The following TEP1 variants were observed in gnomAD, a reference collection of about 807,000 sequenced individuals.
TEP1 encodes the protein telomerase protein component 1.
Under a neutral mutation model 306.3 loss-of-function variants are expected in TEP1, and 241 were observed. That is an observed-to-expected ratio of 0.79 (90% CI 0.71 to 0.88). TEP1 has a LOEUF of 0.88. Ranked by LOEUF, TEP1 falls within the 40% of genes least tolerant of loss-of-function variation. The pLI, the probability that TEP1 is intolerant of heterozygous loss-of-function variation, is 0.00. For missense variants in TEP1, 3,051 were observed against 3,276.1 expected, an observed-to-expected ratio of 0.93 and a Z score of 1.68; for synonymous variants, 1,289 against 1,305.5, an observed-to-expected ratio of 0.99 and a Z score of 0.27.
In TEP1 at chr14:20,384,701, A is replaced by T. The variant is rs1161386575; in HGVS notation, c.3120T>A (p.Asp1040Glu). Residue 1040 changes from aspartate (D) to glutamate (E), a missense_variant, in exon 22 of 55, where the codon GAT becomes GAA. This residue lies in a region of TEP1 where 1,507 missense variants were observed against 1,550.5 expected (regional missense o/e 0.97). Coordinates refer to ENST00000262715, the MANE Select transcript of TEP1 (RefSeq NM_007110.5). Reference sequence around the variant, plus strand: ...CAGAAACAAAGTCAGATTTCCAGGCATCTGGCACAGAGCTGACCACCAAAG... The same window carrying T: ...CAGAAACAAAGTCAGATTTCCAGGCTTCTGGCACAGAGCTGACCACCAAAG... ...RDSSFLSSVP[D>E]AWKSDFVSES... 5.0e-6 allele frequency: 8 copies of T among 1,611,344 alleles called. No individual in the cohort carries two copies. The highest frequency in any genetic ancestry group is 6.8e-6 in the Non-Finnish European group (8 of 1,179,998).
intron 44 of TEP1, 147 bp from the exon 45 acceptor site, chr14:20,373,957 C>T: frequency 9.3e-7 from 1 of 1,078,334 alleles, no homozygotes; most frequent in South Asian, 1.6e-5. Context: ...TTGGGTGGCT[C>T]AGGACAGTGG....
intron 5 of TEP1, among the ~76,000 whole-genome samples, chr14:20,404,109 C>T (rs948357855): frequency 2.0e-5 from 3 of 152,120 alleles, no homozygotes; most frequent in Admixed American, 1.3e-4. Flanking sequence ...AATCCCAGCA[C>T]TTAGGGAGGC....
intron 1 of TEP1, among the ~76,000 whole-genome samples, chr14:20,408,894 G>A (rs1387213919): frequency 6.6e-6 from 1 of 151,616 alleles, no homozygotes; most frequent in Non-Finnish European, 1.5e-5. Flanking sequence ...TCATAAGAAG[G>A]TAAAGGAGAC....
chr14:20,392,185 G>A (rs1036246921), intron 12 of TEP1, among the ~76,000 whole-genome samples: 5 of 152,124 alleles, frequency 3.3e-5, no homozygotes, highest in South Asian at 2.1e-4. Context: ...ATCTATTTCC[G>A]GGTAACTAAA....
chr14:20,398,697 A>G (rs1004954883), intron 9 of TEP1, among the ~76,000 whole-genome samples: 2 of 151,962 alleles, frequency 1.3e-5, no homozygotes, highest in Non-Finnish European at 2.9e-5. Context: ...AGGAGGTGTG[A>G]TTTTCTTTTC....
chr14:20,387,886 C>T lies in TEP1; in HGVS notation c.2684+19G>A, dbSNP rs1288525649. The T allele has an allele frequency of 1.3e-6, 2 of 1,580,740 alleles. No individual in the cohort carries two copies. The highest frequency in any genetic ancestry group is 2.3e-5 in the East Asian group (1 of 43,822). On this transcript the variant is annotated intron_variant, in intron 18 of 54. Transcript: ENST00000262715. ...TGCAGCCCCTCCCAATTCACAAAGG[C>T]ATAGAAACACAGACTGACCCTTGCT...
chr14:20,390,673 A>C lies in TEP1; in HGVS notation c.2334+8T>G. The C allele has an allele frequency of 1.9e-6, 3 of 1,613,808 alleles. No homozygotes were observed. The highest frequency in any genetic ancestry group is 2.5e-6 in the Non-Finnish European group (3 of 1,179,698). On this transcript the variant is annotated splice_region_variant and intron_variant, in intron 15 of 54. Transcript: ENST00000262715. ...GAGGGAGAGGGTTTCTCAGGGATTA[A>C]TACTCACAGGAACCCTTTGGCCAGC...
In TEP1 at chr14:20,394,474, C is replaced by CTTTTT. The variant is rs747749338; in HGVS notation, c.1928+971_1928+975dup. 8.7e-3 allele frequency among the ~76,000 whole-genome samples: 872 copies of CTTTTT among 100,400 alleles called. 11 individuals are homozygous for CTTTTT. The highest frequency in any genetic ancestry group is 0.012 in the Non-Finnish European group (647 of 52,584). The allele number at this position is 100,400 out of a possible 152,430, so 65.9% of individuals were successfully genotyped here. On this transcript the variant is annotated intron_variant, in intron 12 of 54. Coordinates refer to ENST00000262715, the MANE Select transcript of TEP1 (RefSeq NM_007110.5). ...ATACCATTTGGACTGGCCCCTTGGG[C>CTTTTT]TTTTTTTTTTTTTTTTTTTTTTGAG...
intron 43 of TEP1, among the ~76,000 whole-genome samples, chr14:20,374,856 G>A (rs960474036): frequency 1.3e-5 from 2 of 152,076 alleles, no homozygotes; most frequent in Non-Finnish European, 1.5e-5. Flanking sequence ...TTGGGAGGCC[G>A]AGGCAGGTGG....
Position 20,369,427 on chromosome 14 carries a change from T to C in TEP1, c.7573A>G (p.Arg2525Gly). The C allele has an allele frequency of 6.2e-7, 1 of 1,614,208 alleles. No individual in the cohort carries two copies. Among genetic ancestry groups the C allele is most frequent in the South Asian group, 1.1e-5 (1 of 91,088 alleles). The part of the protein sequence containing the change: ...QTPGTDPSTC[R>G]ESDASMDSDA... ...CTATCCATGCTGGCATCAGATTCCC[T>C]GCAGGTAGATGGGTCTGTCCCTGGA... Residue 2525 changes from arginine to glycine, a missense_variant, in exon 53 of 55, where the codon AGG becomes GGG. Coordinates refer to ENST00000262715, the MANE Select transcript of TEP1 (RefSeq NM_007110.5).
chr14:20,397,750 T>C (rs1878320810), intron 9 of TEP1, among the ~76,000 whole-genome samples: 1 of 152,058 alleles, frequency 6.6e-6, no homozygotes. Context: ...CTTCAAGCCA[T>C]AGTTTCTTTT....
chr14:20,390,570 G>T, intron 15 of TEP1, 111 bp downstream of exon 15: 1 of 1,010,108 alleles, frequency 9.9e-7, no homozygotes, highest in Non-Finnish European at 1.5e-6. Flanking sequence ...GAGCTGATCT[G>T]ACTATTGTAT....
rs1426035000 is a variant in TEP1, at chr14:20,381,154, C to T, written c.4648-109G>A. On this transcript the variant is annotated intron_variant, in intron 32 of 54. Transcript: ENST00000262715. The surrounding 1 kb of genome is among the most constrained non-coding windows in gnomAD (Gnocchi z 4.0). ...ATAGGATCTGAGCTGGGACAAAGGACTTGAAGAAGAAGGGCAGGAAAACTG... is the reference window on the plus strand; with the variant it reads ...ATAGGATCTGAGCTGGGACAAAGGATTTGAAGAAGAAGGGCAGGAAAACTG... 17 of 1,230,144 alleles carry T rather than the reference C, an allele frequency of 1.4e-5. No individual in the cohort carries two copies. The South Asian group carries it at 1.8e-4, about 13-fold the overall frequency. The allele number at this position is 1,230,144 out of a possible 1,614,324, so 76.2% of individuals were successfully genotyped here.
At chr14:20,404,530 T>C in intron 5 of TEP1, 81 bp downstream of exon 5, 2 of 1,511,640 alleles carry the variant, frequency 1.3e-6, no homozygotes, top group Non-Finnish European at 1.8e-6. Flanking sequence ...CCAAATTGCC[T>C]GAGAATTTTC....
chr14:20,404,940 A>G (rs1879055885), intron 4 of TEP1, among the ~76,000 whole-genome samples, 168 bp from the exon 5 acceptor site: 2 of 152,302 alleles, frequency 1.3e-5, no homozygotes, highest in African/African-American at 4.8e-5. Flanking sequence ...TAAGTCCTCC[A>G]TACTCTATCC....
rs919519551 is a variant in TEP1 at position 20,380,916 on chromosome 14, A to G, written c.4762+15T>C. On this transcript the variant is annotated intron_variant, in intron 33 of 54. Coordinates refer to ENST00000262715, the MANE Select transcript of TEP1 (RefSeq NM_007110.5). ...CCATATCTCAGAGAAGAACCCAGCC[A>G]GTGACTCATCTCACCATAGAGGGCA... 6.2e-7 allele frequency: 1 copy of G among 1,605,534 alleles called. No individual in the cohort carries two copies. The highest frequency in any genetic ancestry group is 8.5e-7 in the Non-Finnish European group (1 of 1,172,400).
Position 20,373,126 on chromosome 14 carries a change from C to A in TEP1, c.6836G>T (p.Ser2279Ile), listed in dbSNP as rs375591503. ...AGCCACAGCAGTGACGGCTGCAGAA[C>A]TCCTTGGTATACATGTGTCATCTGG... ...KEADDTCIPRSSAAVTAVAWA... is the reference protein window; with the variant it reads ...KEADDTCIPRISAAVTAVAWA... The change falls in exon 48 of 55, where the codon AGT becomes ATT. Residue 2279 changes from serine to isoleucine, a missense_variant. Ser to Ile is a moderately radical substitution (Grantham distance 142). Transcript: ENST00000262715. The A allele has an allele frequency of 4.9e-5, 79 of 1,614,104 alleles. No individual in the cohort carries two copies. The highest frequency in any genetic ancestry group is 6.5e-5 in the Non-Finnish European group (77 of 1,180,056).
At chr14:20,372,647 A>G (rs770829386) in intron 49 of TEP1, 86 bp downstream of exon 49, 1 of 1,588,528 alleles carries the variant, frequency 6.3e-7, no homozygotes, top group Non-Finnish European at 8.6e-7. Context: ...GACCTAGTTC[A>G]GAAGCAGAAG....
chr14:20,383,745 G>A lies in TEP1; in HGVS notation c.3708C>T (p.Tyr1236=), dbSNP rs1876824230. Residue 1236 remains tyrosine (Y), a splice_region_variant and synonymous_variant, in exon 25 of 55, where the codon TAC becomes TAT. Coordinates refer to ENST00000262715, the MANE Select transcript of TEP1 (RefSeq NM_007110.5). ...LKEPGALPST[Y]RSLVWELQQR... ...TGGGCTCATTGGGGGATACCCACCG[G>A]TAGGTGCTGGGGAGGGCACCTGGCT... The A allele has an allele frequency of 1.2e-6, 2 of 1,611,164 alleles. No homozygotes were observed. The highest frequency in any genetic ancestry group is 3.4e-5 in the Admixed American group (2 of 59,502).
Sources: allele counts gnomAD v4.1 joint callset (sites outside exome capture counted in the v4.1 genomes callset), GRCh38; gene constraint gnomAD v4.1.1; regional missense constraint gnomAD v4.1.1; non-coding constraint Gnocchi (gnomAD v3.1); transcripts MANE v1.5; gene names NCBI Gene and HGNC (gene_info 2026-07-23, HGNC 2026-07-21).